Variants in KIF17 observed in about 807,000 individuals in gnomAD.
KIF17 encodes kinesin-like protein KIF17.
Under a neutral mutation model 96.8 loss-of-function variants are expected in KIF17, and 80 were observed. The observed-to-expected ratio is 0.83, with a 90% CI of 0.69 to 1.00. The LOEUF (loss-of-function observed/expected upper bound fraction) is 1.00, where lower values mean the gene tolerates loss of function less well. KIF17 is among the 50% of genes least tolerant of loss of function. The pLI is 0.00. For synonymous variants in KIF17, 567 were observed against 587.5 expected, an observed-to-expected ratio of 0.97 and a Z score of 0.51; for missense variants, 1,280 against 1,372.9, an observed-to-expected ratio of 0.93 and a Z score of 1.07.
intron 7 of KIF17, among the ~76,000 whole-genome samples, chr1:20,688,216 T>C (rs549704891): frequency 7.9e-5 from 12 of 151,842 alleles, no homozygotes; most frequent in Non-Finnish European, 1.5e-4. Context: ...CTGGCTAATT[T>C]TTTTTGTATT....
intron 5 of KIF17, among the ~76,000 whole-genome samples, chr1:20,704,000 T>C (rs1354078410): frequency 6.6e-6 from 1 of 152,002 alleles, no homozygotes; most frequent in African/African-American, 2.4e-5. Flanking sequence ...GATTTCCACC[T>C]GCCAGGTGAC....
At chr1:20,684,664 T>G (rs1272920847) in intron 10 of KIF17, 145 bp downstream of exon 10, 1 of 780,686 alleles carries the variant, frequency 1.3e-6, no homozygotes, top group Non-Finnish European at 2.1e-6. Flanking sequence ...TAGTCCCCAC[T>G]GCGCCTGGAG....
chr1:20,679,404 C>T (rs532719053), intron 11 of KIF17, among the ~76,000 whole-genome samples: 1 of 152,100 alleles, frequency 6.6e-6, no homozygotes, highest in Non-Finnish European at 1.5e-5. Context: ...TTCTTGAGCC[C>T]AGGAGGTCAA....
At chr1:20,696,502 A>G (rs959790500) in intron 6 of KIF17, among the ~76,000 whole-genome samples, 1 of 151,902 alleles carries the variant, frequency 6.6e-6, no homozygotes, top group Non-Finnish European at 1.5e-5. Flanking sequence ...GCCCCACGAG[A>G]AGGAGGCAGG....
Position 20,687,811 on chromosome 1 carries a change from G to A in KIF17, c.1515C>T (p.Asp505=). ...TGGAGACATCGTCACTGGGCAGAGT[G>A]TCAGTCGTGGAGAAGACCTTGGGTT... The part of the protein sequence containing the change: ...VVKPKVFSTT[D]TLPSDDVSKT... The change falls in exon 8 of 15, where the codon GAC becomes GAT. Residue 505 remains aspartate (D), a synonymous_variant. Transcript: ENST00000400463. The surrounding 1 kb of genome is among the most constrained non-coding windows in gnomAD (Gnocchi z 4.4). 2 of 1,614,180 alleles carry A rather than the reference G, an allele frequency of 1.2e-6. No individual in the cohort carries two copies. The highest frequency in any genetic ancestry group is 1.7e-6 in the Non-Finnish European group (2 of 1,180,032).
chr1:20,702,910 G>A (rs1182377968), intron 5 of KIF17, among the ~76,000 whole-genome samples: 4 of 152,232 alleles, frequency 2.6e-5, no homozygotes, highest in Non-Finnish European at 5.9e-5. Context: ...ACGAGGCACA[G>A]CCTGCATCTG....
chr1:20,673,615 C>T (rs2053686404), intron 11 of KIF17, among the ~76,000 whole-genome samples: 1 of 149,348 alleles, frequency 6.7e-6, no homozygotes. Context: ...ACTACAACTT[C>T]TGACTCCAGG....
intron 11 of KIF17, among the ~76,000 whole-genome samples, chr1:20,673,191 G>A (rs929960238): frequency 6.6e-6 from 1 of 152,010 alleles, no homozygotes; most frequent in Non-Finnish European, 1.5e-5. Context: ...TCCAGCCTGG[G>A]CGACAGAGTG....
chr1:20,708,221 G>A (rs2054376975), intron 4 of KIF17, among the ~76,000 whole-genome samples: 2 of 152,212 alleles, frequency 1.3e-5, no homozygotes, highest in African/African-American at 2.4e-5. Context: ...CAGCATCCCC[G>A]GGACACTCAG....
chr1:20,684,478 G>A (rs1307312603), intron 10 of KIF17, among the ~76,000 whole-genome samples: 1 of 152,248 alleles, frequency 6.6e-6, no homozygotes, highest in Non-Finnish European at 1.5e-5. Context: ...GGCTTGTCCT[G>A]TGGGTGAGTG....
chr1:20,685,307 C>A lies in KIF17; in HGVS notation c.2020-287G>T. ...GGGCCATCTTAAAATAGAAACCGATCACATCCCGTTCCCGATGAGCCCCAT... is the reference window on the plus strand; with the variant it reads ...GGGCCATCTTAAAATAGAAACCGATAACATCCCGTTCCCGATGAGCCCCAT... On this transcript the variant is annotated intron_variant, in intron 9 of 14. Transcript: ENST00000400463. The surrounding 1 kb of genome is among the most constrained non-coding windows in gnomAD (Gnocchi z 4.1). 1.6e-6 allele frequency: 1 copy of A among 617,790 alleles called. No individual in the cohort carries two copies. Among genetic ancestry groups the A allele is most frequent in the Non-Finnish European group, 3.0e-6 (1 of 330,626 alleles). 38.3% of individuals were successfully genotyped at this position (617,790 alleles called of 1,614,324 possible). A position where few individuals can be genotyped will look rare whatever the true frequency, so the allele number is the denominator to read the frequency against.
Position 20,672,288 on chromosome 1 carries a change from CGCATCGTCTGTTCATTG to C in KIF17, c.2464-109_2464-93del. The stretch of plus-strand genomic sequence containing the variant: ...CCACTCACTGTCCTGCCAGCAGCCA[CGCATCGTCTGTTCATTG>C]GCCTGATCAGCCATCCATTCTCATC... On this transcript the variant is annotated intron_variant, in intron 11 of 14. Coordinates refer to ENST00000400463, the MANE Select transcript of KIF17 (RefSeq NM_001122819.3). This position sits in a 1 kb window ranked among gnomAD's most constrained non-coding sequence, Gnocchi z 4.3. The C allele has an allele frequency of 6.6e-7, 1 of 1,521,628 alleles. No individual in the cohort carries two copies. Among genetic ancestry groups the C allele is most frequent in the South Asian group, 1.2e-5 (1 of 85,502 alleles). The allele number at this position is 1,521,628 out of a possible 1,614,324, so 94.3% of individuals were successfully genotyped here.
At chr1:20,703,740 G>A (rs1419043644) in intron 5 of KIF17, among the ~76,000 whole-genome samples, 1 of 152,038 alleles carries the variant, frequency 6.6e-6, no homozygotes, top group Non-Finnish European at 1.5e-5. Context: ...GGGGATGAAT[G>A]GACAGACAGA....
In KIF17 at chr1:20,709,903, G is replaced by T; in HGVS notation, c.481-75C>A. ...AGGACCAGGGATGGTCAAGGAACCA[G>T]AGAGAAGGGCCCCATCCAGACCGCC... On this transcript the variant is annotated intron_variant, in intron 3 of 14. Coordinates refer to ENST00000400463, the MANE Select transcript of KIF17 (RefSeq NM_001122819.3). The surrounding 1 kb of genome is among the most constrained non-coding windows in gnomAD (Gnocchi z 4.7). 1 of 1,425,658 alleles carries T rather than the reference G, an allele frequency of 7.0e-7. No homozygotes were observed. Among genetic ancestry groups the T allele is most frequent in the Non-Finnish European group, 9.7e-7 (1 of 1,034,114 alleles). The allele number at this position is 1,425,658 out of a possible 1,614,324, so 88.3% of individuals were successfully genotyped here.
chr1:20,709,719 G>A lies in KIF17; in HGVS notation c.590C>T (p.Ser197Leu), dbSNP rs762645455. The change falls in exon 4 of 15, where the codon TCG becomes TTG. Residue 197 changes from serine (S) to leucine (L), a missense_variant. Physicochemically the swap from Ser to Leu is moderately radical, Grantham distance 145. Coordinates refer to ENST00000400463, the MANE Select transcript of KIF17 (RefSeq NM_001122819.3). This position sits in a 1 kb window ranked among gnomAD's most constrained non-coding sequence, Gnocchi z 4.7. ...CTTGTTCATCAGCGTGTAGCCGACC[G>A]AACGGTTCTTCCAGCCAGTCTCCAT... is the stretch of plus-strand genomic sequence containing the variant. ...HIMETGWKNR[S>L]VGYTLMNKDS... is the part of the protein sequence containing the mutation. 1.1e-5 allele frequency: 17 copies of A among 1,614,010 alleles called. No individual in the cohort carries two copies. In the East Asian group the frequency reaches 1.1e-4, roughly 11 times the overall value.
At chr1:20,713,651 C>T in intron 2 of KIF17, 96 bp from the exon 3 acceptor site, 4 of 889,426 alleles carry the variant, frequency 4.5e-6, no homozygotes, top group South Asian at 2.8e-5. Flanking sequence ...GCCACCAGGA[C>T]ATCATGGGAG....
intron 7 of KIF17, 99 bp downstream of exon 7, chr1:20,690,089 C>T (rs990307084): frequency 1.7e-5 from 22 of 1,328,300 alleles, no homozygotes; most frequent in Non-Finnish European, 1.7e-5. Flanking sequence ...CAGACCTGAT[C>T]CTCGGGTGTA....
rs1381252576 is a variant in KIF17 at position 20,677,456 on chromosome 1, C to G, written c.2463+5197G>C. 5.3e-5 allele frequency among the ~76,000 whole-genome samples: 8 copies of G among 152,110 alleles called. No individual in the cohort carries two copies. In the East Asian group the frequency reaches 9.6e-4, roughly 18 times the overall value. On this transcript the variant is annotated intron_variant, in intron 11 of 14. Coordinates refer to ENST00000400463, the MANE Select transcript of KIF17 (RefSeq NM_001122819.3). ...ATGCACAGGCTGTTTACTACAGCAG[C>G]CTTTATTATTACAAGATATTGGAAA...
intron 14 of KIF17, among the ~76,000 whole-genome samples, chr1:20,665,990 G>A (rs1289465703): frequency 6.6e-6 from 1 of 152,222 alleles, no homozygotes; most frequent in African/African-American, 2.4e-5. Flanking sequence ...GGAGCAAAGA[G>A]GAGACTCTGT....
Sources: gnomAD v4.1 joint callset for allele counts (sites outside exome capture counted in the v4.1 genomes callset) on GRCh38, gnomAD v4.1.1 for gene constraint, Gnocchi (gnomAD v3.1) non-coding constraint, MANE v1.5 for transcripts, NCBI Gene and HGNC (gene_info 2026-07-23, HGNC 2026-07-21) for gene names.